Variants in ARSF observed in about 807,000 individuals in gnomAD.
The protein encoded by ARSF is arylsulfatase F.
In ARSF, 33 loss-of-function variants were observed where a neutral mutation model predicts 35.4. The ratio of observed to expected loss-of-function variants is 0.93; its 90% CI spans 0.71 to 1.25. ARSF has a LOEUF of 1.25. Among genes scored for constraint, ARSF ranks in the 50% most tolerant of loss-of-function variants. The pLI is 0.00. For synonymous variants in ARSF, 222 were observed against 193.1 expected, an observed-to-expected ratio of 1.15 and a Z score of -1.24; for missense variants, 501 against 480.2, an observed-to-expected ratio of 1.04 and a Z score of -0.40.
At chrX:3,089,789 A>G (rs1247685251) in intron 7 of ARSF, among the ~76,000 whole-genome samples, 157 bp downstream of exon 7, 1 of 112,190 alleles carries the variant, frequency 8.9e-6, no homozygotes, top group Non-Finnish European at 1.9e-5. Context: ...AGCAATTGAG[A>G]AAGTCAGCAA....
chrX:3,091,286 G>C (rs1219660644), intron 7 of ARSF, among the ~76,000 whole-genome samples: 1 of 112,017 alleles, frequency 8.9e-6, no homozygotes. Flanking sequence ...CTTTATTTCA[G>C]GTCTGTTGAG....
intron 6 of ARSF, among the ~76,000 whole-genome samples, chrX:3,085,493 C>T (rs935267778): frequency 4.6e-4 from 50 of 109,128 alleles, no homozygotes; most frequent in African/African-American, 1.6e-3. Flanking sequence ...GCATGTGATA[C>T]GTAAGGGCTA....
At chrX:3,070,272 G>A (rs1476418860) in intron 2 of ARSF, among the ~76,000 whole-genome samples, 1 of 111,346 alleles carries the variant, frequency 9.0e-6, no homozygotes, top group Non-Finnish European at 1.9e-5. Context: ...TATATGTACC[G>A]CATTTTCTTT....
In ARSF at chrX:3,088,510, G is replaced by A. The variant is rs770328678; in HGVS notation, c.831-986G>A. ...GCAGCAGGGTTTATGGCAGAGAAAG[G>A]TTTAATAATTGCAGGGCAATTAGTG... On this transcript the variant is annotated intron_variant, in intron 6 of 10. Transcript: ENST00000381127. Among the ~76,000 whole-genome samples, 14 of 110,850 alleles carry A rather than the reference G, an allele frequency of 1.3e-4. No individual in the cohort carries two copies. The South Asian group carries it at 4.7e-3, about 37-fold the overall frequency.
At chrX:3,047,900 C>T (rs1436877805) in intron 1 of ARSF, among the ~76,000 whole-genome samples, 2 of 110,943 alleles carry the variant, frequency 1.8e-5, no homozygotes, top group Non-Finnish European at 3.8e-5. Flanking sequence ...TACAGTTCCA[C>T]GTGGTGGGGG....
At chrX:3,091,147 T>C (rs1024233439) in intron 7 of ARSF, among the ~76,000 whole-genome samples, 3 of 111,877 alleles carry the variant, frequency 2.7e-5, no homozygotes, top group Admixed American at 9.6e-5. Context: ...ACTCCCAAGC[T>C]CAGGTAATAT....
At chrX:3,098,242 G>A (rs544573174) in intron 7 of ARSF, among the ~76,000 whole-genome samples, 1 of 110,630 alleles carries the variant, frequency 9.0e-6, no homozygotes, top group African/African-American at 3.3e-5. Context: ...TGGGATTACA[G>A]GTGTGAGCCA....
intron 7 of ARSF, among the ~76,000 whole-genome samples, chrX:3,090,746 C>G (rs1475667633): frequency 1.8e-5 from 2 of 111,990 alleles, no homozygotes; most frequent in Non-Finnish European, 3.8e-5. Context: ...CCACCGGCAT[C>G]TATGTTGCTG....
chrX:3,053,453 C>T (rs1319496601), intron 1 of ARSF, among the ~76,000 whole-genome samples: 2 of 108,680 alleles, frequency 1.8e-5, no homozygotes, highest in African/African-American at 3.4e-5. Flanking sequence ...CTCAGCCTCC[C>T]GAGTAGCTGG....
chrX:3,053,970 C>T (rs1382565582), intron 1 of ARSF, among the ~76,000 whole-genome samples: 1 of 110,204 alleles, frequency 9.1e-6, no homozygotes, highest in African/African-American at 3.3e-5. Context: ...CCATGTTGGC[C>T]AGGCTGGTCT....
chrX:3,078,026 A>T (rs1052324973), intron 4 of ARSF, among the ~76,000 whole-genome samples: 1 of 105,837 alleles, frequency 9.4e-6, no homozygotes, highest in Admixed American at 1.0e-4. Context: ...CTGGTCTTGA[A>T]CTCCTGACCT....
chrX:3,096,662 A>C (rs2090339951), intron 7 of ARSF, among the ~76,000 whole-genome samples: 1 of 112,346 alleles, frequency 8.9e-6, no homozygotes, highest in Non-Finnish European at 1.9e-5. Context: ...CAGAAATACA[A>C]GATTTGACTT....
intron 1 of ARSF, among the ~76,000 whole-genome samples, chrX:3,066,022 G>A (rs1488466070): frequency 1.8e-5 from 2 of 111,446 alleles, no homozygotes; most frequent in East Asian, 2.8e-4. Flanking sequence ...CCTGGAAGTC[G>A]AGGCTGCAGT....
intron 4 of ARSF, among the ~76,000 whole-genome samples, chrX:3,080,344 T>G (rs1219495133): frequency 7.3e-5 from 8 of 109,474 alleles, no homozygotes; most frequent in Non-Finnish European, 1.5e-4. Context: ...TGTGGTGGCG[T>G]GCACCCATAG....
chrX:3,102,595 G>A (rs1482927608), intron 8 of ARSF, among the ~76,000 whole-genome samples: 1 of 112,296 alleles, frequency 8.9e-6, no homozygotes, highest in East Asian at 2.8e-4. Context: ...GCATGCGTGC[G>A]CATGTTAGAC....
Position 3,085,786 on chromosome X carries a change from T to C in ARSF, c.830+1120T>C, listed in dbSNP as rs746145302. Among the ~76,000 whole-genome samples, 498 of 111,212 alleles carry C rather than the reference T, an allele frequency of 4.5e-3. 6 individuals are homozygous for C. Among genetic ancestry groups the C allele is most frequent in the Admixed American group, 8.2e-3 (85 of 10,345 alleles). On this transcript the variant is annotated intron_variant, in intron 6 of 10. Transcript: ENST00000381127. ...CCTCACTCTGTAGCCCAAGTGAAGG[T>C]GATAAATATGTAGTTTGGGGCTGGC...
chrX:3,068,806 A>G (rs73439675), intron 2 of ARSF, among the ~76,000 whole-genome samples: 3,221 of 111,920 alleles, frequency 0.029, 38 homozygotes, highest in Middle Eastern at 0.069. Flanking sequence ...AAGCATTTCT[A>G]TAACTTCGGG....
chrX:3,046,449 TTC>T (rs762207272), intron 1 of ARSF, among the ~76,000 whole-genome samples: 1 of 111,936 alleles, frequency 8.9e-6, no homozygotes, highest in East Asian at 2.8e-4. Context: ...CCTGAATAAT[TTC>T]TTTCTAGTTC....
In ARSF at chrX:3,073,313, C is replaced by T. The variant is rs897299915; in HGVS notation, c.161+1138C>T. Among the ~76,000 whole-genome samples the T allele has an allele frequency of 5.0e-5, 5 of 100,433 alleles. No individual in the cohort carries two copies. In the Admixed American group the frequency reaches 6.0e-4, roughly 12 times the overall value. The allele number at this position is 100,433 out of a possible 115,157, so 87.2% of individuals were successfully genotyped here. On this transcript the variant is annotated intron_variant, in intron 3 of 10. Coordinates refer to ENST00000381127, the MANE Select transcript of ARSF (RefSeq NM_001201539.2). ...TGTGTGTTAGGTACTATTCTAAGTT[C>T]TTTACACACATAAACTCAGGGATAT...
Sources: gnomAD v4.1 joint callset for allele counts (sites outside exome capture counted in the v4.1 genomes callset) on GRCh38, gnomAD v4.1.1 for gene constraint, MANE v1.5 for transcripts, NCBI Gene and HGNC (gene_info 2026-07-23, HGNC 2026-07-21) for gene names.